Variants in SEMA6D observed in about 807,000 individuals in gnomAD.
SEMA6D encodes semaphorin 6D.
In SEMA6D, 35 loss-of-function variants were observed where a neutral mutation model predicts 106.6. The observed-to-expected ratio is 0.33, with a 90% CI of 0.25 to 0.44. The LOEUF (loss-of-function observed/expected upper bound fraction) is 0.44. Ranked by LOEUF, SEMA6D falls within the 20% of genes least tolerant of loss-of-function variation. SEMA6D has a pLI of 1.00. For synonymous variants in SEMA6D, 499 were observed against 487.7 expected (o/e 1.02, Z -0.31); for missense variants, 1,185 against 1,345.9 (o/e 0.88, Z 1.87).
chr15:47,576,839 C>G (rs1462192049), intron 3 of SEMA6D, among the ~76,000 whole-genome samples: 1 of 152,184 alleles, frequency 6.6e-6, no homozygotes, highest in Admixed American at 6.5e-5. Context: ...CAAAATGAGC[C>G]TTACGCGGCT....
chr15:47,192,608 G>A (rs568533673), intron 1 of SEMA6D, among the ~76,000 whole-genome samples: 1 of 151,890 alleles, frequency 6.6e-6, no homozygotes, highest in Non-Finnish European at 1.5e-5. Context: ...TATTGATAAG[G>A]TAAAAATGAA....
intron 1 of SEMA6D, among the ~76,000 whole-genome samples, chr15:47,360,374 A>G (rs1405998017): frequency 6.6e-6 from 1 of 152,256 alleles, no homozygotes; most frequent in African/African-American, 2.4e-5. Flanking sequence ...CATGCTCTCC[A>G]ATGCATTAAC....
rs1555407474 is a variant in SEMA6D, at chr15:47,228,163, C to CAT, written c.-239+43755_-239+43756dup. On this transcript the variant is annotated intron_variant, in intron 1 of 19. Coordinates refer to the SEMA6D transcript ENST00000558014. ...ACACACACACACACACACACACACA[C>CAT]ATATATATATAACCTTTTGTTACTT... Among the ~76,000 whole-genome samples the CAT allele has an allele frequency of 5.4e-4, 74 of 136,820 alleles. 1 individual carries two copies. The highest frequency in any genetic ancestry group is 7.8e-3 in the Middle Eastern group (2 of 256). 89.8% of individuals were successfully genotyped at this position (136,820 alleles called of 152,430 possible).
chr15:47,665,943 A>G (rs1254375639), intron 4 of SEMA6D, among the ~76,000 whole-genome samples: 1 of 152,270 alleles, frequency 6.6e-6, no homozygotes, highest in South Asian at 2.1e-4. Context: ...GCAATAATAC[A>G]GACAAGAGTA....
intron 1 of SEMA6D, among the ~76,000 whole-genome samples, chr15:47,190,540 T>A (rs755432868): frequency 6.6e-6 from 1 of 152,182 alleles, no homozygotes; most frequent in Non-Finnish European, 1.5e-5. Flanking sequence ...AGCTCCAAGT[T>A]TGGCCTTTCT....
Position 47,599,627 on chromosome 15 carries a change from T to C in SEMA6D, c.-86-1238T>C, listed in dbSNP as rs1304552192. Reference sequence around the variant, plus strand: ...AACTGAAAACACAGCCATTTGATTTTTAATGAATACAAGAATTTTAATATG... The same window carrying C: ...AACTGAAAACACAGCCATTTGATTTCTAATGAATACAAGAATTTTAATATG... On this transcript the variant is annotated intron_variant, in intron 3 of 19. Coordinates refer to the SEMA6D transcript ENST00000558014. Among the ~76,000 whole-genome samples, 8 of 152,252 alleles carry C rather than the reference T, an allele frequency of 5.3e-5. No homozygotes were observed. The South Asian group carries it at 8.3e-4, about 16-fold the overall frequency.
At chr15:47,408,466 T>A (rs114972774) in intron 1 of SEMA6D, among the ~76,000 whole-genome samples, 1 of 152,222 alleles carries the variant, frequency 6.6e-6, no homozygotes, top group Admixed American at 6.5e-5. Flanking sequence ...TATATCACAC[T>A]ATCCTTATCT....
At chr15:47,746,855 G>A (rs1403963454) in intron 1 of SEMA6D, among the ~76,000 whole-genome samples, 2 of 151,910 alleles carry the variant, frequency 1.3e-5, no homozygotes, top group Non-Finnish European at 2.9e-5. Context: ...CTGTGGAGGA[G>A]ATAACCAAAA....
rs772270717 is a variant in SEMA6D at position 47,770,498 on chromosome 15, T to A, written c.1935T>A (p.Gly645=). ...FTDPLSGIPK[G]VRWEVQSGES... ...CATTGTCCCATGTGTCTATTTCAGG[T>A]GTACGATGGGAAGTCCAGTCTGGAG... The change falls in exon 19 of 19, where the codon GGT becomes GGA. Residue 645 remains glycine (G), a splice_region_variant and synonymous_variant. Transcript: ENST00000536845. 6.3e-7 allele frequency: 1 copy of A among 1,581,158 alleles called. No homozygotes were observed.
intron 3 of SEMA6D, among the ~76,000 whole-genome samples, chr15:47,552,658 T>G (rs574226479): frequency 1.4e-5 from 2 of 146,168 alleles, no homozygotes; most frequent in Admixed American, 1.4e-4. Flanking sequence ...AATCTTAAAT[T>G]TCAAAATGCA....
intron 1 of SEMA6D, among the ~76,000 whole-genome samples, chr15:47,349,558 G>A (rs1223098468): frequency 6.6e-6 from 1 of 152,158 alleles, no homozygotes; most frequent in Non-Finnish European, 1.5e-5. Context: ...GTTTTAAAAT[G>A]TGAATGCTAT....
At chr15:47,694,150 G>A (rs567802442) in intron 4 of SEMA6D, among the ~76,000 whole-genome samples, 47 of 140,820 alleles carry the variant, frequency 3.3e-4, no homozygotes, top group Admixed American at 2.7e-3. Flanking sequence ...CAGAGCTATT[G>A]AAACAGAAAC....
chr15:47,249,097 G>T (rs1386200772), intron 1 of SEMA6D, among the ~76,000 whole-genome samples: 1 of 152,108 alleles, frequency 6.6e-6, no homozygotes. Context: ...CCATGATGGT[G>T]CATGCCTGTA....
At chr15:47,188,833 AAGG>A (rs1893751717) in intron 1 of SEMA6D, among the ~76,000 whole-genome samples, 1 of 152,230 alleles carries the variant, frequency 6.6e-6, no homozygotes, top group African/African-American at 2.4e-5. Context: ...ACATGAGACA[AAGG>A]AGGCAAGATT....
chr15:47,546,661 G>A (rs566730639), intron 3 of SEMA6D, among the ~76,000 whole-genome samples: 10 of 151,642 alleles, frequency 6.6e-5, no homozygotes, highest in Admixed American at 5.9e-4. Context: ...TTTGCATTTA[G>A]GACCCATGAC....
chr15:47,375,708 A>T (rs914551216), intron 1 of SEMA6D, among the ~76,000 whole-genome samples: 1 of 152,232 alleles, frequency 6.6e-6, no homozygotes, highest in East Asian at 1.9e-4. Context: ...ATTTACTTAT[A>T]GAAGTCTGTT....
At chr15:47,576,848 C>T (rs1214832314) in intron 3 of SEMA6D, among the ~76,000 whole-genome samples, 4 of 152,192 alleles carry the variant, frequency 2.6e-5, no homozygotes, top group African/African-American at 9.7e-5. Flanking sequence ...CCTTACGCGG[C>T]TCTCGGATCT....
intron 1 of SEMA6D, among the ~76,000 whole-genome samples, chr15:47,309,356 T>C (rs921761): frequency 0.99 from 150,580 of 152,304 alleles, 74,450 homozygotes; most frequent in Middle Eastern, 1. Flanking sequence ...CATTGTATCC[T>C]TGCTGTGGAC....
chr15:47,212,438 T>C (rs2030125208), intron 1 of SEMA6D, among the ~76,000 whole-genome samples: 1 of 152,216 alleles, frequency 6.6e-6, no homozygotes, highest in Non-Finnish European at 1.5e-5. Context: ...CGTTCTCACC[T>C]GAAATTTGGC....
Sources: allele counts gnomAD v4.1 joint callset (sites outside exome capture counted in the v4.1 genomes callset), GRCh38; gene constraint gnomAD v4.1.1; transcripts MANE v1.5; gene names NCBI Gene and HGNC (gene_info 2026-07-23, HGNC 2026-07-21).